The following DMD variants were observed in gnomAD, a reference collection of about 807,000 sequenced individuals.
The protein encoded by DMD is dystrophin, also known as mutant dystrophin.
A neutral mutation model predicts 330.1 loss-of-function variants in DMD; 63 were observed. The ratio of observed to expected loss-of-function variants is 0.19; its 90% confidence interval spans 0.16 to 0.24. DMD has a LOEUF of 0.24. DMD is among the 10% of genes least tolerant of loss of function. DMD has a pLI of 1.00. For missense variants in DMD, 3,344 were observed against 2,684.1 expected (o/e 1.25, Z -5.43); for synonymous variants, 1,223 against 959.8 (o/e 1.27, Z -5.07).
intron 42 of DMD, among the ~76,000 whole-genome samples, chrX:32,294,002 T>A (rs1240626680): frequency 4.5e-5 from 5 of 111,894 alleles, no homozygotes; most frequent in Non-Finnish European, 9.4e-5. Flanking sequence ...GGTGGAATGT[T>A]TAGGGCTACT....
At chrX:32,425,796 A>T (rs55718503) in intron 29 of DMD, among the ~76,000 whole-genome samples, 16,397 of 110,998 alleles carry the variant, frequency 0.15, 1,014 homozygotes, top group African/African-American at 0.21. Context: ...ACAGTCACAT[A>T]GACCAATGAA....
intron 48 of DMD, among the ~76,000 whole-genome samples, chrX:31,870,172 T>A (rs1010725677): frequency 4.5e-5 from 5 of 111,951 alleles, no homozygotes; most frequent in African/African-American, 1.6e-4. Context: ...TGAGTTTGAC[T>A]ACATTTGAGA....
intron 9 of DMD, among the ~76,000 whole-genome samples, chrX:32,673,924 CA>C (rs981403827): frequency 2.7e-5 from 3 of 111,645 alleles, no homozygotes; most frequent in African/African-American, 9.8e-5. Context: ...AAATAGTAAA[CA>C]AATCTGATTG....
At chrX:31,518,276 C>T (rs113428343) in intron 55 of DMD, among the ~76,000 whole-genome samples, 13 of 111,566 alleles carry the variant, frequency 1.2e-4, no homozygotes, top group African/African-American at 2.9e-4. Flanking sequence ...AAAGAGAAAA[C>T]GAGTCTTAAA....
At chrX:31,138,737 C>A (rs1239719316) in intron 76 of DMD, among the ~76,000 whole-genome samples, 1 of 108,870 alleles carries the variant, frequency 9.2e-6, no homozygotes, top group Non-Finnish European at 1.9e-5. Flanking sequence ...CCTGAGAACT[C>A]ACTCACTATC....
chrX:32,752,258 C>A (rs1057152948), intron 7 of DMD, among the ~76,000 whole-genome samples: 1 of 111,271 alleles, frequency 9.0e-6, no homozygotes, highest in African/African-American at 3.3e-5. Flanking sequence ...GAGGCTGTAC[C>A]CTGAAAAGCC....
chrX:32,362,944 T>C lies in DMD; in HGVS notation c.5169A>G (p.Glu1723=), dbSNP rs2147235096. The change falls in exon 37 of 79, where the codon GAA becomes GAG. Residue 1723 remains glutamate (E), a synonymous_variant. Transcript: ENST00000357033. ...CCACCTTTGGGCGTATGTCATTCAG[T>C]TCTGCCTTTAAACGCTATATTCCAT... ...KEDVLKRLKA[E]LNDIRPKVDS... 8.3e-7 allele frequency: 1 copy of C among 1,210,282 alleles called. No individual in the cohort carries two copies. The highest frequency in any genetic ancestry group is 1.1e-6 in the Non-Finnish European group (1 of 894,670).
At chrX:32,347,520 G>A (rs779681484) in intron 38 of DMD, among the ~76,000 whole-genome samples, 2 of 111,904 alleles carry the variant, frequency 1.8e-5, no homozygotes, top group African/African-American at 6.5e-5. Context: ...TACATGGGGA[G>A]TATTGATTGA....
chrX:33,336,660 T>C (rs1420969091), intron 1 of DMD, among the ~76,000 whole-genome samples: 1 of 111,767 alleles, frequency 8.9e-6, no homozygotes, highest in Non-Finnish European at 1.9e-5. Flanking sequence ...TTTATAAAAG[T>C]CACTAATTCT....
chrX:33,076,525 AG>A (rs1362764298), intron 1 of DMD, among the ~76,000 whole-genome samples: 4 of 111,617 alleles, frequency 3.6e-5, no homozygotes, highest in African/African-American at 1.3e-4. Flanking sequence ...GGGGCTAAGC[AG>A]GTTTGTGGGA....
intron 2 of DMD, among the ~76,000 whole-genome samples, chrX:32,961,000 T>C (rs16990777): frequency 0.058 from 6,354 of 110,229 alleles, 269 homozygotes; most frequent in South Asian, 0.17. Context: ...TGTTGAATAG[T>C]ATTTTTCCCT....
At chrX:31,869,824 A>C (rs1442032946) in intron 48 of DMD, among the ~76,000 whole-genome samples, 3 of 111,272 alleles carry the variant, frequency 2.7e-5, no homozygotes, top group African/African-American at 9.8e-5. Context: ...TGCTCCAAGA[A>C]ATCCATCGGA....
At chrX:32,351,692 T>G (rs193127374) in intron 37 of DMD, among the ~76,000 whole-genome samples, 1 of 110,247 alleles carries the variant, frequency 9.1e-6, no homozygotes, top group African/African-American at 3.3e-5. Context: ...AGGGCCAAAA[T>G]AGACATTTCA....
intron 44 of DMD, chrX:32,102,322 A>G (rs1050956716): frequency 8.9e-6 from 1 of 112,286 alleles, no homozygotes; most frequent in Non-Finnish European, 1.9e-5. Context: ...ATTGACACAT[A>G]GTGTGTTGAA....
At chrX:32,700,150 T>C (rs1278656596) in intron 7 of DMD, among the ~76,000 whole-genome samples, 1 of 111,872 alleles carries the variant, frequency 8.9e-6, no homozygotes, top group Non-Finnish European at 1.9e-5. Context: ...AGTAATCCTT[T>C]ATGTGAAGTA....
chrX:32,880,944 C>CA (rs1395854477), intron 2 of DMD, among the ~76,000 whole-genome samples: 2 of 111,747 alleles, frequency 1.8e-5, no homozygotes, highest in South Asian at 3.6e-4. Context: ...AACTCCATCT[C>CA]AAAAAAAAGA....
chrX:32,625,413 T>C (rs911427752), intron 11 of DMD, among the ~76,000 whole-genome samples: 5 of 111,449 alleles, frequency 4.5e-5, no homozygotes, highest in African/African-American at 1.6e-4. Flanking sequence ...GCGGCTGCAA[T>C]ATTGGACAGC....
chrX:32,672,858 G>A (rs1401357822), intron 9 of DMD, among the ~76,000 whole-genome samples: 1 of 110,893 alleles, frequency 9.0e-6, no homozygotes, highest in Non-Finnish European at 1.9e-5. Context: ...CTGAGATACG[G>A]AGCTGCAGTG....
At position 32,861,361 on chromosome X, in the gene DMD, T is replaced by A. The variant is rs1000070509; in HGVS notation, c.94-11541A>T. Among the ~76,000 whole-genome samples, 5 of 111,562 alleles carry A rather than the reference T, an allele frequency of 4.5e-5. No individual in the cohort carries two copies. The Admixed American group carries it at 4.8e-4, about 11-fold the overall frequency. ...AATAAATGTAAGATGTCTGGTATGG[T>A]ACCTAGCATAGAAAATGCTCAATAA... is the stretch of plus-strand genomic sequence containing the variant. On this transcript the variant is annotated intron_variant, in intron 2 of 78. Transcript: ENST00000357033.
Sources: gnomAD v4.1 joint callset for allele counts (sites outside exome capture counted in the v4.1 genomes callset) on GRCh38, gnomAD v4.1.1 for gene constraint, MANE v1.5 for transcripts, NCBI Gene and HGNC (gene_info 2026-07-23, HGNC 2026-07-21) for gene names.